AHRR: variants seen among roughly 807,000 people sequenced by gnomAD.
AHRR encodes ahR repressor.
A neutral mutation model predicts 44.0 loss-of-function variants in AHRR; 28 were observed. The ratio of observed to expected loss-of-function variants is 0.64; its 90% CI spans 0.47 to 0.87. The LOEUF (loss-of-function observed/expected upper bound fraction) is 0.87, where lower values mean the gene tolerates loss of function less well. Among genes scored for constraint, AHRR ranks in the 40% least tolerant of loss-of-function variants. The pLI, the probability that AHRR is intolerant of heterozygous loss-of-function variation, is 0.00. For synonymous variants in AHRR, 434 were observed against 407.0 expected, an observed-to-expected ratio of 1.07 and a Z score of -0.80; for missense variants, 990 against 953.9, an observed-to-expected ratio of 1.04 and a Z score of -0.50.
At position 435,738 on chromosome 5, in the gene AHRR, TTCTC is replaced by T. The variant is rs3840992; in HGVS notation, c.*908_*911del. 4.6e-5 allele frequency: 7 copies of T among 152,438 alleles called. No homozygotes were observed. The highest frequency in any genetic ancestry group is 1.7e-4 in the African/African-American group (7 of 41,418). 9.4% of individuals were successfully genotyped at this position (152,438 alleles called of 1,614,324 possible). ...AGGAAACTGCGCTGCCTGTGGGGGT[TTCTC>T]TCTGGCTGGCTGTACAGTTCACTCA... On this transcript the variant is annotated 3_prime_UTR_variant, in exon 11 of 11. Transcript: ENST00000684583.
chr5:366,585 A>C (rs1743367369), intron 3 of AHRR, among the ~76,000 whole-genome samples: 1 of 152,198 alleles, frequency 6.6e-6, no homozygotes, highest in Admixed American at 6.5e-5. Context: ...TTGGTGCTAA[A>C]ATTGGTGGTG....
At chr5:373,918 CGGGGGAAGTAG>C (rs1426413442) in intron 3 of AHRR, among the ~76,000 whole-genome samples, 1 of 150,146 alleles carries the variant, frequency 6.7e-6, no homozygotes, top group Non-Finnish European at 1.5e-5. Flanking sequence ...CCGGCGGCTG[CGGGGGAAGTAG>C]GGGGGAAGTG....
chr5:342,123 C>T lies in AHRR; in HGVS notation c.-10-1770C>T, dbSNP rs1284795680. Among the ~76,000 whole-genome samples, 3 of 152,052 alleles carry T rather than the reference C, an allele frequency of 2.0e-5. No individual in the cohort carries two copies. The highest frequency in any genetic ancestry group is 2.9e-5 in the Non-Finnish European group (2 of 68,014). On this transcript the variant is annotated intron_variant, in intron 1 of 10. Transcript: ENST00000684583. This position sits in a 1 kb window ranked among gnomAD's most constrained non-coding sequence, Gnocchi z 4.3. Reference sequence around the variant, plus strand: ...AGTCCCAGAATATGGTCTGTCTTGGCGAATGTTACATGTGTAAAAACCAGA... The same window carrying T: ...AGTCCCAGAATATGGTCTGTCTTGGTGAATGTTACATGTGTAAAAACCAGA...
rs79001252 is a variant in AHRR, at chr5:425,660, G to A, written c.708+1683G>A. 3.9e-3 allele frequency among the ~76,000 whole-genome samples: 599 copies of A among 152,306 alleles called. 20 individuals are homozygous for A. The East Asian group carries it at 0.081, about 21-fold the overall frequency. On this transcript the variant is annotated intron_variant, in intron 7 of 10. Transcript: ENST00000684583. ...TTTCTAGGTGACCCAAAATTGGAAG[G>A]ATTTTACTGTGCAGCCACTGGAATA...
Position 427,855 on chromosome 5 carries a change from A to G in AHRR, c.757A>G (p.Lys253Glu), listed in dbSNP as rs773693929. 12 of 1,614,178 alleles carry G rather than the reference A, an allele frequency of 7.4e-6. No individual in the cohort carries two copies. The highest frequency in any genetic ancestry group is 4.4e-5 in the South Asian group (4 of 91,088). ...KLKFLFGQKK[K>E]APSGAMLPPR... The stretch of plus-strand genomic sequence containing the variant: ...AAAATTCCTGTTTGGACAGAAGAAG[A>G]AGGCGCCGTCAGGAGCCATGCTCCC... The change falls in exon 8 of 11, where the codon AAG (lysine) becomes GAG (glutamate). Residue 253 changes from lysine to glutamate, a missense_variant. Coordinates refer to ENST00000684583, the MANE Select transcript of AHRR (RefSeq NM_001377236.1).
In AHRR at chr5:436,854, G is replaced by C. The variant is rs914405458; in HGVS notation, c.*2020G>C. The C allele has an allele frequency of 1.3e-5, 2 of 152,458 alleles. No individual in the cohort carries two copies. Among genetic ancestry groups the C allele is most frequent in the African/African-American group, 2.4e-5 (1 of 41,464 alleles). 9.4% of individuals were successfully genotyped at this position (152,458 alleles called of 1,614,324 possible). On this transcript the variant is annotated 3_prime_UTR_variant, in exon 11 of 11. Coordinates refer to ENST00000684583, the MANE Select transcript of AHRR (RefSeq NM_001377236.1). ...GCACCTGTGAAGACCAGGCACCTGA[G>C]GACTGGCGCCTACTTCCCACTTTGG...
chr5:432,535 C>T lies in AHRR; in HGVS notation c.970+11C>T, dbSNP rs533667652. On this transcript the variant is annotated intron_variant, in intron 9 of 10. Coordinates refer to ENST00000684583, the MANE Select transcript of AHRR (RefSeq NM_001377236.1). ...CCAATTACTCAGCAGGTACTTAGAACATTTCTTATCTGATCTTTTCCACAT... is the reference window on the plus strand; with the variant it reads ...CCAATTACTCAGCAGGTACTTAGAATATTTCTTATCTGATCTTTTCCACAT... 1.2e-6 allele frequency: 2 copies of T among 1,612,136 alleles called. No individual in the cohort carries two copies. Among genetic ancestry groups the T allele is most frequent in the African/African-American group, 1.3e-5 (1 of 74,890 alleles).
chr5:415,478 T>C (rs4245970), intron 5 of AHRR, among the ~76,000 whole-genome samples: 525 of 8,406 alleles, frequency 0.062, 47 homozygotes, highest in African/African-American at 0.073. Flanking sequence ...CCTGGTCGGG[T>C]GGGAGGCCTA....
chr5:432,646 C>T (rs1159016104), intron 9 of AHRR, 122 bp downstream of exon 9: 2 of 1,505,196 alleles, frequency 1.3e-6, no homozygotes, highest in Non-Finnish European at 1.8e-6. Flanking sequence ...TTTGCAGAGA[C>T]TTGGTGTCTG....
At chr5:343,174 C>T (rs972885277) in intron 1 of AHRR, among the ~76,000 whole-genome samples, 1 of 152,042 alleles carries the variant, frequency 6.6e-6, no homozygotes, top group African/African-American at 2.4e-5. Context: ...CGTGTGTCCT[C>T]TCGGAGTGAC....
At position 421,009 on chromosome 5, in the gene AHRR, A is replaced by G. The variant is rs371092518; in HGVS notation, c.442-1720A>G. The G allele has an allele frequency of 2.1e-4, 95 of 449,354 alleles. No individual in the cohort carries two copies. In the East Asian group the frequency reaches 3.7e-3, roughly 18 times the overall value. The allele number at this position is 449,354 out of a possible 1,614,324, so 27.8% of individuals were successfully genotyped here. On this transcript the variant is annotated intron_variant, in intron 5 of 10. Transcript: ENST00000684583. ...TACACGATGGTTCTTCTTATGGTTC[A>G]GGAGGTGGAAAGTTGAAACCATAGC...
Position 405,637 on chromosome 5 carries a change from G to A in AHRR, c.352-7707G>A, listed in dbSNP as rs1011707198. ...AGTGGGCGGCACACCCTTCAGGTCG[G>A]TGGGAGTGAGGGCCTTCGGGTCGCC... On this transcript the variant is annotated intron_variant, in intron 4 of 10. Coordinates refer to ENST00000684583, the MANE Select transcript of AHRR (RefSeq NM_001377236.1). This position sits in a 1 kb window ranked among gnomAD's most constrained non-coding sequence, Gnocchi z 4.5. Among the ~76,000 whole-genome samples the A allele has an allele frequency of 1.3e-5, 2 of 152,180 alleles. No homozygotes were observed. Among genetic ancestry groups the A allele is most frequent in the African/African-American group, 4.8e-5 (2 of 41,438 alleles).
At chr5:396,969 A>G (rs2126484010) in intron 4 of AHRR, among the ~76,000 whole-genome samples, 1 of 152,000 alleles carries the variant, frequency 6.6e-6, no homozygotes, top group South Asian at 2.1e-4. Flanking sequence ...ACTCTCCACC[A>G]TTTACCCCTA....
chr5:352,267 A>G (rs1016922896), intron 2 of AHRR, among the ~76,000 whole-genome samples: 15 of 143,002 alleles, frequency 1.0e-4, no homozygotes, highest in South Asian at 4.6e-4. Flanking sequence ...GAGGTTAAAT[A>G]GGTCAGCTGT....
intron 1 of AHRR, among the ~76,000 whole-genome samples, chr5:322,855 CG>C (rs944629855): frequency 4.6e-5 from 7 of 152,172 alleles, no homozygotes; most frequent in Admixed American, 4.6e-4. Flanking sequence ...GCCGCTTCGA[CG>C]GGGGGGACGC....
At chr5:393,955 G>A (rs796400509) in intron 4 of AHRR, among the ~76,000 whole-genome samples, 3 of 152,298 alleles carry the variant, frequency 2.0e-5, no homozygotes, top group East Asian at 1.9e-4. Context: ...TCTGGTGGTC[G>A]AGAGTTTTGT....
At position 405,452 on chromosome 5, in the gene AHRR, C is replaced by T. The variant is rs868837769; in HGVS notation, c.352-7892C>T. On this transcript the variant is annotated intron_variant, in intron 4 of 10. Transcript: ENST00000684583. The surrounding 1 kb of genome is among the most constrained non-coding windows in gnomAD (Gnocchi z 4.5). ...CCGTGGAGCAGCCTATGGTGTTGCC[C>T]GCTGTTTTGTTGTGACAGCTGGGCA... 3.3e-5 allele frequency among the ~76,000 whole-genome samples: 5 copies of T among 152,162 alleles called. No homozygotes were observed. The highest frequency in any genetic ancestry group is 4.4e-5 in the Non-Finnish European group (3 of 68,030).
chr5:371,380 C>G (rs892279033), intron 3 of AHRR, among the ~76,000 whole-genome samples: 4 of 152,318 alleles, frequency 2.6e-5, no homozygotes, highest in Admixed American at 2.6e-4. Flanking sequence ...GTTCGAGGGC[C>G]GGCTGTGACT....
At chr5:367,984 T>G in intron 3 of AHRR, 1 of 700,706 alleles carries the variant, frequency 1.4e-6, no homozygotes, top group Non-Finnish European at 2.6e-6. Flanking sequence ...CCGCCTGTAG[T>G]GATGTGTGAG....
Sources: gnomAD v4.1 joint callset for allele counts (sites outside exome capture counted in the v4.1 genomes callset) on GRCh38, gnomAD v4.1.1 for gene constraint, Gnocchi (gnomAD v3.1) non-coding constraint, MANE v1.5 for transcripts, NCBI Gene and HGNC (gene_info 2026-07-23, HGNC 2026-07-21) for gene names.